Variants in TMEM131L observed in about 807,000 individuals in gnomAD.
TMEM131L encodes the protein transmembrane protein 131-like.
Under a neutral mutation model 192.2 loss-of-function variants are expected in TMEM131L, and 54 were observed. That is an observed-to-expected ratio of 0.28 (90% CI 0.23 to 0.35). TMEM131L has a LOEUF of 0.35. TMEM131L is among the 10% of genes least tolerant of loss of function. TMEM131L has a pLI of 1.00. For synonymous variants in TMEM131L, 701 were observed against 704.9 expected, an observed-to-expected ratio of 0.99 and a Z score of 0.09; for missense variants, 1,888 against 1,972.9, an observed-to-expected ratio of 0.96 and a Z score of 0.82.
intron 7 of TMEM131L, among the ~76,000 whole-genome samples, chr4:153,560,595 A>T (rs565469296): frequency 4.7e-4 from 71 of 152,280 alleles, no homozygotes; most frequent in Non-Finnish European, 9.3e-4. Flanking sequence ...ATTTTAGAAC[A>T]TTTTCATTGC....
chr4:153,497,098 G>A (rs1448449298), intron 3 of TMEM131L, among the ~76,000 whole-genome samples: 2 of 152,188 alleles, frequency 1.3e-5, no homozygotes, highest in Non-Finnish European at 2.9e-5. Context: ...CTAGGCTCAG[G>A]TGATCCACCT....
intron 3 of TMEM131L, among the ~76,000 whole-genome samples, chr4:153,530,075 CA>C (rs1236072651): frequency 6.7e-6 from 1 of 149,476 alleles, no homozygotes; most frequent in Non-Finnish European, 1.5e-5. Flanking sequence ...CTGGAGAATA[CA>C]AACTCCTTGT....
chr4:153,569,998 C>G (rs1388935101), intron 7 of TMEM131L, among the ~76,000 whole-genome samples: 1 of 151,350 alleles, frequency 6.6e-6, no homozygotes, highest in African/African-American at 2.5e-5. Context: ...TCTTCAATTT[C>G]TTGTTTTTAT....
At chr4:153,509,587 A>G (rs527656514) in intron 3 of TMEM131L, among the ~76,000 whole-genome samples, 37 of 151,860 alleles carry the variant, frequency 2.4e-4, no homozygotes, top group East Asian at 9.7e-4. Context: ...TCAGCCAGGT[A>G]TGATGGCACA....
At chr4:153,572,494 C>G (rs964630404) in intron 7 of TMEM131L, among the ~76,000 whole-genome samples, 11 of 152,160 alleles carry the variant, frequency 7.2e-5, no homozygotes, top group Middle Eastern at 3.4e-3. Context: ...CCACGCCCAG[C>G]TAATTTTTGT....
intron 3 of TMEM131L, among the ~76,000 whole-genome samples, chr4:153,534,317 C>G (rs1000150344): frequency 6.6e-6 from 1 of 152,048 alleles, no homozygotes; most frequent in African/African-American, 2.4e-5. Flanking sequence ...TGGAAACAAC[C>G]GGTCAAGGGA....
intron 3 of TMEM131L, among the ~76,000 whole-genome samples, chr4:153,514,148 G>A (rs961331763): frequency 1.3e-5 from 2 of 152,144 alleles, no homozygotes; most frequent in Non-Finnish European, 1.5e-5. Flanking sequence ...CTGGGTGACC[G>A]TAGCCAATTA....
chr4:153,477,832 G>T (rs1320278070), intron 3 of TMEM131L, among the ~76,000 whole-genome samples: 1 of 152,054 alleles, frequency 6.6e-6, no homozygotes, highest in African/African-American at 2.4e-5. Context: ...TGTTGTTCAC[G>T]TAGCATATAA....
At chr4:153,578,036 G>A (rs1273511727) in intron 7 of TMEM131L, among the ~76,000 whole-genome samples, 1 of 152,216 alleles carries the variant, frequency 6.6e-6, no homozygotes, top group Non-Finnish European at 1.5e-5. Flanking sequence ...GGTTAAAGGA[G>A]CAACAGCTGG....
intron 20 of TMEM131L, 93 bp downstream of exon 20, chr4:153,596,478 A>T: frequency 6.8e-7 from 1 of 1,471,492 alleles, no homozygotes. Flanking sequence ...CTTCTCAGTC[A>T]GACCTTCAGG....
At chr4:153,548,047 A>C (rs1737322592) in intron 3 of TMEM131L, among the ~76,000 whole-genome samples, 1 of 151,672 alleles carries the variant, frequency 6.6e-6, no homozygotes, top group Admixed American at 6.6e-5. Context: ...TGAAATACTG[A>C]GCCTGGCCAG....
intron 12 of TMEM131L, among the ~76,000 whole-genome samples, 169 bp from the exon 13 acceptor site, chr4:153,585,289 C>A (rs1352987475): frequency 6.6e-6 from 1 of 152,182 alleles, no homozygotes; most frequent in Non-Finnish European, 1.5e-5. Context: ...CCAGTTGCTC[C>A]CTATGTGAGC....
chr4:153,611,255 A>G (rs1262358918), intron 25 of TMEM131L, among the ~76,000 whole-genome samples: 9 of 152,300 alleles, frequency 5.9e-5, no homozygotes, highest in Middle Eastern at 6.8e-3. Flanking sequence ...TTACGTTTGT[A>G]TCTGTTCTGT....
intron 13 of TMEM131L, 54 bp downstream of exon 13, chr4:153,585,665 G>A: frequency 8.4e-7 from 1 of 1,196,844 alleles, no homozygotes; most frequent in Non-Finnish European, 1.1e-6. Context: ...TTTGTTTAAG[G>A]TCAGATGCTG....
chr4:153,534,882 T>C (rs1008884605), intron 3 of TMEM131L, among the ~76,000 whole-genome samples: 2 of 152,170 alleles, frequency 1.3e-5, no homozygotes, highest in African/African-American at 4.8e-5. Flanking sequence ...CAGAAGACCC[T>C]TGTGGTGAGA....
chr4:153,589,180 T>G (rs1041891299), intron 16 of TMEM131L, among the ~76,000 whole-genome samples, 173 bp downstream of exon 16: 1 of 152,172 alleles, frequency 6.6e-6, no homozygotes, highest in Non-Finnish European at 1.5e-5. Flanking sequence ...TCATCATAAT[T>G]TCACAAATAG....
intron 4 of TMEM131L, among the ~76,000 whole-genome samples, chr4:153,554,680 A>G (rs1006388430): frequency 6.6e-6 from 1 of 152,244 alleles, no homozygotes; most frequent in African/African-American, 2.4e-5. Flanking sequence ...TTTCTAGGCC[A>G]TCCGAATGAC....
intron 3 of TMEM131L, among the ~76,000 whole-genome samples, chr4:153,485,644 G>A (rs1424768301): frequency 6.6e-6 from 1 of 152,178 alleles, no homozygotes; most frequent in Non-Finnish European, 1.5e-5. Flanking sequence ...TTACAGTAAA[G>A]GTTCTGTTTG....
intron 17 of TMEM131L, among the ~76,000 whole-genome samples, chr4:153,592,203 C>A (rs1248517847): frequency 6.8e-6 from 1 of 147,398 alleles, no homozygotes; most frequent in Non-Finnish European, 1.5e-5. Context: ...GTCATACTTT[C>A]CAGCATTTTT....
Sources: allele counts gnomAD v4.1 joint callset (sites outside exome capture counted in the v4.1 genomes callset), GRCh38; gene constraint gnomAD v4.1.1; transcripts MANE v1.5; gene names NCBI Gene and HGNC (gene_info 2026-07-23, HGNC 2026-07-21).